MIS18A: variants seen among roughly 807,000 people sequenced by gnomAD.
MIS18A encodes MIS18 kinetochore protein A.
MIS18A carries 14 observed loss-of-function variants against 25.0 expected under a neutral mutation model. The observed-to-expected ratio is 0.56, with a 90% CI of 0.37 to 0.88. The LOEUF (loss-of-function observed/expected upper bound fraction) is 0.88. MIS18A is among the 40% of genes least tolerant of loss of function. The probability of loss-of-function intolerance (pLI) is 0.00; values close to 1 mark genes in which losing one functional copy is unlikely to be tolerated. For missense variants in MIS18A, 292 were observed against 290.8 expected (o/e 1.00, Z -0.03); for synonymous variants, 134 against 118.6 (o/e 1.13, Z -0.84).
chr21:32,203,628 T>A, the MIS18A span, among the ~76,000 whole-genome samples: 1 of 144,456 alleles, frequency 6.9e-6, no homozygotes, highest in African/African-American at 2.6e-5. Context: ...TTTTTTTTTT[T>A]TTTTTTTTTG....
chr21:32,236,621 C>T, the MIS18A span, among the ~76,000 whole-genome samples: 1 of 152,144 alleles, frequency 6.6e-6, no homozygotes, highest in Non-Finnish European at 1.5e-5. Flanking sequence ...GTGAGTCCAG[C>T]GTGGTTCATC....
intron 4 of MIS18A, 191 bp downstream of exon 4, chr21:32,269,516 C>T (rs1042034525): frequency 3.8e-6 from 2 of 523,868 alleles, no homozygotes; most frequent in East Asian, 3.2e-5. Context: ...ATGTCTTCCT[C>T]ATTATTTTGT....
At chr21:32,182,685 A>G in the MIS18A span, among the ~76,000 whole-genome samples, 1 of 152,178 alleles carries the variant, frequency 6.6e-6, no homozygotes, top group African/African-American at 2.4e-5. Context: ...GGTGCAATAA[A>G]AAATGCCTGG....
chr21:32,190,370 G>A, the MIS18A span, among the ~76,000 whole-genome samples: 5 of 152,140 alleles, frequency 3.3e-5, no homozygotes, highest in Non-Finnish European at 7.3e-5. Context: ...TGATTAGATG[G>A]TTCCAAACCT....
the MIS18A span, among the ~76,000 whole-genome samples, chr21:32,231,236 G>GAAAAAAAAAAAAAAAAAA: frequency 1.2e-5 from 1 of 85,262 alleles, no homozygotes; most frequent in Non-Finnish European, 2.4e-5. Flanking sequence ...ACCCTGTCTC[G>GAAAAAAAAAAAAAAAAAA]AAAAAAAAAA....
At chr21:32,172,853 T>C in the MIS18A span, among the ~76,000 whole-genome samples, 70,209 of 151,954 alleles carry the variant, frequency 0.46, 16,516 homozygotes, top group East Asian at 0.59. Context: ...CACAATCCAA[T>C]AGGGAAATTG....
chr21:32,195,475 G>A, the MIS18A span, among the ~76,000 whole-genome samples: 2 of 152,154 alleles, frequency 1.3e-5, no homozygotes, highest in Admixed American at 6.5e-5. Flanking sequence ...CTCACCACGG[G>A]GGCTGGCTGG....
the MIS18A span, among the ~76,000 whole-genome samples, chr21:32,250,796 G>A: frequency 1.3e-5 from 2 of 152,180 alleles, no homozygotes; most frequent in Non-Finnish European, 1.5e-5. Flanking sequence ...TGTGGCAGAG[G>A]GGAAGGAGGG....
the MIS18A span, among the ~76,000 whole-genome samples, chr21:32,170,309 A>G: frequency 6.6e-6 from 1 of 152,202 alleles, no homozygotes; most frequent in Non-Finnish European, 1.5e-5. Flanking sequence ...GTACTTTGGA[A>G]TACTACAGAA....
the MIS18A span, among the ~76,000 whole-genome samples, chr21:32,227,117 T>C: frequency 6.6e-6 from 1 of 151,946 alleles, no homozygotes; most frequent in African/African-American, 2.4e-5. Flanking sequence ...ATTTACAAAG[T>C]AGAATGATCT....
At chr21:32,206,802 T>C in the MIS18A span, among the ~76,000 whole-genome samples, 46 of 152,230 alleles carry the variant, frequency 3.0e-4, no homozygotes, top group Admixed American at 1.0e-3. Flanking sequence ...TCCAGCATCT[T>C]AAGGAACAAT....
chr21:32,209,614 TC>T, the MIS18A span, among the ~76,000 whole-genome samples: 1 of 152,182 alleles, frequency 6.6e-6, no homozygotes, highest in Non-Finnish European at 1.5e-5. Context: ...TTTGCTGTGT[TC>T]CCACCCAAAT....
At chr21:32,251,464 C>T in the MIS18A span, among the ~76,000 whole-genome samples, 1 of 152,064 alleles carries the variant, frequency 6.6e-6, no homozygotes, top group South Asian at 2.1e-4. Flanking sequence ...ATCCTTAAAT[C>T]GCTAACCACT....
the MIS18A span, among the ~76,000 whole-genome samples, chr21:32,218,294 G>A: frequency 6.6e-6 from 1 of 151,644 alleles, no homozygotes; most frequent in East Asian, 1.9e-4. Flanking sequence ...CAGCTGAAGT[G>A]ATAAGACACA....
In MIS18A at chr21:32,270,416, G is replaced by T; in HGVS notation, c.515C>A (p.Ala172Asp). Reference sequence around the variant, plus strand: ...TATATATCAAACTTACCTTTCAATGGCTTCAACACTGAGGCAAAACAAGTC... The same window carrying T: ...TATATATCAAACTTACCTTTCAATGTCTTCAACACTGAGGCAAAACAAGTC... ...KRDLFCLSVEAIESYVLGSSE... is the reference protein window; with the variant it reads ...KRDLFCLSVEDIESYVLGSSE... Residue 172 changes from alanine to aspartate, a missense_variant, in exon 3 of 5, where the codon GCC becomes GAC. By Grantham distance (126) the Ala-to-Asp change is moderately radical. Coordinates refer to ENST00000290130, the MANE Select transcript of MIS18A (RefSeq NM_018944.3). 1 of 1,613,786 alleles carries T rather than the reference G, an allele frequency of 6.2e-7. No homozygotes were observed. The highest frequency in any genetic ancestry group is 8.5e-7 in the Non-Finnish European group (1 of 1,179,898).
At chr21:32,193,573 G>A in the MIS18A span, among the ~76,000 whole-genome samples, 3 of 152,126 alleles carry the variant, frequency 2.0e-5, no homozygotes, top group Non-Finnish European at 2.9e-5. Flanking sequence ...CTCTGGAATT[G>A]CGTAAATAAT....
chr21:32,171,681 C>G, the MIS18A span, among the ~76,000 whole-genome samples: 1 of 151,972 alleles, frequency 6.6e-6, no homozygotes, highest in Non-Finnish European at 1.5e-5. Flanking sequence ...GTATCTAACC[C>G]TCTAAACACA....
the MIS18A span, among the ~76,000 whole-genome samples, chr21:32,183,105 T>C: frequency 1.3e-3 from 196 of 152,338 alleles, 1 homozygote; most frequent in Non-Finnish European, 2.2e-3. Flanking sequence ...GAGCTGGTCC[T>C]GTCTTAGTAT....
the MIS18A span, among the ~76,000 whole-genome samples, chr21:32,258,880 TTAC>T: frequency 5.5e-3 from 388 of 70,896 alleles, no homozygotes; most frequent in African/African-American, 0.025. Context: ...ATTTATTTAC[TTAC>T]TTACTTACTT....
Sources: gnomAD v4.1 joint callset for allele counts (sites outside exome capture counted in the v4.1 genomes callset) on GRCh38, gnomAD v4.1.1 for gene constraint, MANE v1.5 for transcripts, NCBI Gene and HGNC (gene_info 2026-07-23, HGNC 2026-07-21) for gene names.